Variants in CCDC91 observed in about 807,000 individuals in gnomAD.
CCDC91 encodes coiled-coil domain containing 91, also known as coiled-coil domain-containing protein 91.
CCDC91 carries 48 observed loss-of-function variants against 63.2 expected under a neutral mutation model. The ratio of observed to expected loss-of-function variants is 0.76; its 90% confidence interval spans 0.60 to 0.97. The LOEUF is 0.97. Ranked by LOEUF, CCDC91 falls within the 50% of genes least tolerant of loss-of-function variation. CCDC91 has a pLI of 0.00. For missense variants in CCDC91, 500 were observed against 494.6 expected, an observed-to-expected ratio of 1.01 and a Z score of -0.10; for synonymous variants, 167 against 165.8, an observed-to-expected ratio of 1.01 and a Z score of -0.06.
intron 8 of CCDC91, among the ~76,000 whole-genome samples, chr12:28,443,840 AACCCTG>A (rs1949360319): frequency 6.6e-6 from 1 of 152,238 alleles, no homozygotes; most frequent in Non-Finnish European, 1.5e-5. Flanking sequence ...TACAAAGTAC[AACCCTG>A]ATGTTTTGTT....
intron 12 of CCDC91, among the ~76,000 whole-genome samples, chr12:28,517,636 G>A (rs1463055841): frequency 2.6e-5 from 4 of 151,870 alleles, no homozygotes; most frequent in Non-Finnish European, 5.9e-5. Context: ...TTGGTTACAT[G>A]AGTAAGTTCT....
chr12:28,327,505 C>A (rs1941122601), intron 6 of CCDC91, among the ~76,000 whole-genome samples: 1 of 152,010 alleles, frequency 6.6e-6, no homozygotes, highest in South Asian at 2.1e-4. Context: ...CACACCTGGT[C>A]CAACCAATCT....
intron 11 of CCDC91, among the ~76,000 whole-genome samples, chr12:28,479,986 T>C (rs1227457989): frequency 6.6e-6 from 1 of 152,018 alleles, no homozygotes; most frequent in Non-Finnish European, 1.5e-5. Flanking sequence ...CATGCTATTA[T>C]TGGTAGCTCT....
chr12:28,222,795 G>T (rs546551746), intron 1 of CCDC91, among the ~76,000 whole-genome samples: 1 of 151,932 alleles, frequency 6.6e-6, no homozygotes, highest in African/African-American at 2.4e-5. Flanking sequence ...TATCCTTTTC[G>T]TTGTGTTGGA....
intron 8 of CCDC91, among the ~76,000 whole-genome samples, chr12:28,413,390 GTTTAA>G (rs941169059): frequency 3.3e-5 from 5 of 152,002 alleles, no homozygotes; most frequent in Admixed American, 3.3e-4. Flanking sequence ...CTCCTCATGT[GTTTAA>G]TTTCTTTCCT....
At chr12:28,513,182 C>G (rs187720542) in intron 12 of CCDC91, among the ~76,000 whole-genome samples, 1 of 151,930 alleles carries the variant, frequency 6.6e-6, no homozygotes. Context: ...TCCGATGCAG[C>G]TACATCATAA....
chr12:28,507,798 A>G (rs10771432), intron 12 of CCDC91, among the ~76,000 whole-genome samples: 50,756 of 151,806 alleles, frequency 0.33, 9,230 homozygotes, highest in African/African-American at 0.45. Flanking sequence ...TTCATGTGCA[A>G]AAAATTCATT....
chr12:28,323,985 C>G (rs1439365959), intron 6 of CCDC91, among the ~76,000 whole-genome samples: 1 of 151,848 alleles, frequency 6.6e-6, no homozygotes, highest in Admixed American at 6.6e-5. Context: ...TTGAGTAACA[C>G]TAAACATACT....
At chr12:28,527,925 A>C (rs11049694) in intron 12 of CCDC91, among the ~76,000 whole-genome samples, 58,259 of 151,630 alleles carry the variant, frequency 0.38, 11,546 homozygotes, top group South Asian at 0.46. Flanking sequence ...TCTAACCCAA[A>C]TGGCTGGTCT....
chr12:28,254,425 T>G (rs1395379088), intron 1 of CCDC91, among the ~76,000 whole-genome samples: 3 of 152,226 alleles, frequency 2.0e-5, no homozygotes, highest in Admixed American at 6.5e-5. Flanking sequence ...TGCTAGAATA[T>G]TCTAAAATAC....
intron 12 of CCDC91, among the ~76,000 whole-genome samples, chr12:28,489,279 T>C (rs1951877339): frequency 6.6e-6 from 1 of 152,126 alleles, no homozygotes; most frequent in African/African-American, 2.4e-5. Flanking sequence ...TAAGATATTA[T>C]AATACATCAT....
chr12:28,529,063 G>T (rs1459174114), intron 12 of CCDC91, among the ~76,000 whole-genome samples: 1 of 152,118 alleles, frequency 6.6e-6, no homozygotes, highest in Non-Finnish European at 1.5e-5. Context: ...GCAAAGGAAA[G>T]ATGATTGATG....
intron 11 of CCDC91, among the ~76,000 whole-genome samples, chr12:28,458,455 C>CTTTTTTTTTTTTTTTTTTTTTTTTT (rs60083355): frequency 4.4e-5 from 2 of 45,806 alleles, no homozygotes; most frequent in African/African-American, 2.2e-4. Flanking sequence ...ATTTGCACAC[C>CTTTTTTTTTTTTTTTTTTTTTTTTT]TTTTTTTTTT....
Position 28,294,303 on chromosome 12 carries a change from C to G in CCDC91, c.110-11346C>G, listed in dbSNP as rs192207600. ...TCATTGATAGGCTTTGGCTCTGTGT[C>G]CCCATCCAAATCTCATCTCGAATTG... On this transcript the variant is annotated intron_variant, in intron 3 of 12. Transcript: ENST00000536442. Among the ~76,000 whole-genome samples the G allele has an allele frequency of 1.1e-4, 17 of 152,178 alleles. 1 individual carries two copies. In the East Asian group the frequency reaches 3.1e-3, roughly 28 times the overall value.
chr12:28,248,782 T>G (rs1945928740), intron 1 of CCDC91, among the ~76,000 whole-genome samples: 1 of 152,204 alleles, frequency 6.6e-6, no homozygotes. Context: ...TTGTTTTTGT[T>G]CTGTTTTCAT....
At chr12:28,205,686 C>T (rs1261931000) in intron 1 of CCDC91, among the ~76,000 whole-genome samples, 1 of 152,138 alleles carries the variant, frequency 6.6e-6, no homozygotes, top group Admixed American at 6.5e-5. Context: ...ACAGTTTAAA[C>T]ACTCAGCAGT....
chr12:28,248,053 G>A (rs1467722164), intron 1 of CCDC91, among the ~76,000 whole-genome samples: 3 of 152,146 alleles, frequency 2.0e-5, no homozygotes, highest in South Asian at 2.1e-4. Context: ...AGACCGGTTC[G>A]TGTCCGCGGG....
intron 1 of CCDC91, among the ~76,000 whole-genome samples, chr12:28,225,521 GCT>G (rs1944212174): frequency 6.6e-6 from 1 of 151,974 alleles, no homozygotes; most frequent in Non-Finnish European, 1.5e-5. Flanking sequence ...CATGATCTCG[GCT>G]CACTGCAACC....
chr12:28,306,824 C>A lies in CCDC91; in HGVS notation c.350C>A (p.Ala117Asp). ...LTDEKSNGTI[A>D]LVDDSEDPGA... is the part of the protein sequence containing the mutation. ...GATGAAAAAAGTAATGGAACAATTG[C>A]CCTTGTGGATGATTCTGAGGATCCT... is the stretch of plus-strand genomic sequence containing the variant. The change falls in exon 5 of 13, where the codon GCC becomes GAC. Residue 117 changes from alanine (A) to aspartate (D), a missense_variant. Physicochemically the swap from Ala to Asp is moderately radical, Grantham distance 126. Transcript: ENST00000536442. 1 of 1,611,698 alleles carries A rather than the reference C, an allele frequency of 6.2e-7. No individual in the cohort carries two copies. The highest frequency in any genetic ancestry group is 1.1e-5 in the South Asian group (1 of 91,020).
Sources: gnomAD v4.1 joint callset for allele counts (sites outside exome capture counted in the v4.1 genomes callset) on GRCh38, gnomAD v4.1.1 for gene constraint, MANE v1.5 for transcripts, NCBI Gene and HGNC (gene_info 2026-07-23, HGNC 2026-07-21) for gene names.